CDK6: variants seen among roughly 807,000 people sequenced by gnomAD.
CDK6 encodes the protein cyclin-dependent kinase 6.
In CDK6, 6 loss-of-function variants were observed where a neutral mutation model predicts 37.1. The ratio of observed to expected loss-of-function variants is 0.16; its 90% CI spans 0.09 to 0.32. CDK6 has a LOEUF of 0.32. Among genes scored for constraint, CDK6 ranks in the 10% least tolerant of loss-of-function variants. CDK6 has a pLI of 1.00. For synonymous variants in CDK6, 160 were observed against 161.3 expected (o/e 0.99, Z 0.06); for missense variants, 224 against 418.9 (o/e 0.53, Z 4.06).
chr7:92,619,629 C>T lies in CDK6; in HGVS notation c.699-1422G>A, dbSNP rs191522039. Among the ~76,000 whole-genome samples, 6 of 151,732 alleles carry T rather than the reference C, an allele frequency of 4.0e-5. No homozygotes were observed. The East Asian group carries it at 7.8e-4, about 20-fold the overall frequency. On this transcript the variant is annotated intron_variant, in intron 6 of 7. Transcript: ENST00000424848. ...GGTACAGGTCTCAAGATCTGTAGCA[C>T]TTCATTTCCCCTTCCCTCACCTACA...
At chr7:92,723,084 G>A (rs1477878113) in intron 4 of CDK6, among the ~76,000 whole-genome samples, 1 of 152,120 alleles carries the variant, frequency 6.6e-6, no homozygotes, top group Admixed American at 6.6e-5. Context: ...GCTGAGACAC[G>A]AGAATCGCTT....
chr7:92,712,687 T>C (rs1388138955), intron 4 of CDK6, among the ~76,000 whole-genome samples: 1 of 152,190 alleles, frequency 6.6e-6, no homozygotes, highest in Non-Finnish European at 1.5e-5. Context: ...TCTTGAAAGC[T>C]TTTCTTACTT....
At chr7:92,692,266 AAAAGAAAG>A (rs57165480) in intron 4 of CDK6, among the ~76,000 whole-genome samples, 1 of 147,796 alleles carries the variant, frequency 6.8e-6, no homozygotes, top group Admixed American at 6.7e-5. Context: ...TCCGTCTCAA[AAAAGAAAG>A]AAAGAAAGAA....
chr7:92,620,772 G>A (rs1371383718), intron 6 of CDK6, among the ~76,000 whole-genome samples: 1 of 152,076 alleles, frequency 6.6e-6, no homozygotes, highest in Non-Finnish European at 1.5e-5. Flanking sequence ...GCTGGTTGTG[G>A]TGCCCTGTGC....
intron 5 of CDK6, among the ~76,000 whole-genome samples, chr7:92,658,089 G>C (rs1796745445): frequency 6.6e-6 from 1 of 152,096 alleles, no homozygotes; most frequent in African/African-American, 2.4e-5. Flanking sequence ...TTCTTTTCTT[G>C]CTTTACTCTT....
At chr7:92,660,911 C>G (rs1796820203) in intron 5 of CDK6, among the ~76,000 whole-genome samples, 1 of 152,120 alleles carries the variant, frequency 6.6e-6, no homozygotes, top group Non-Finnish European at 1.5e-5. Context: ...TAAGAAACTG[C>G]AGTTTGGCCC....
intron 4 of CDK6, among the ~76,000 whole-genome samples, chr7:92,690,888 T>C (rs909157442): frequency 1.3e-5 from 2 of 151,982 alleles, no homozygotes; most frequent in African/African-American, 4.8e-5. Context: ...ATTATGGGAG[T>C]CAATTACCAC....
intron 3 of CDK6, among the ~76,000 whole-genome samples, chr7:92,736,261 A>G (rs1798785095): frequency 6.6e-6 from 1 of 152,156 alleles, no homozygotes; most frequent in South Asian, 2.1e-4. Flanking sequence ...TATTTATTGT[A>G]AAGTTCATAC....
intron 2 of CDK6, among the ~76,000 whole-genome samples, chr7:92,794,296 A>T (rs1417590625): frequency 6.6e-6 from 1 of 152,146 alleles, no homozygotes; most frequent in Non-Finnish European, 1.5e-5. Flanking sequence ...ACAGATGAGA[A>T]GAATTAAGGT....
chr7:92,735,211 G>A (rs1433837038), intron 3 of CDK6, among the ~76,000 whole-genome samples: 1 of 152,134 alleles, frequency 6.6e-6, no homozygotes, highest in African/African-American at 2.4e-5. Context: ...GATTAAGCAA[G>A]TTCCACCTTC....
At chr7:92,828,239 T>C (rs1409187715) in intron 2 of CDK6, among the ~76,000 whole-genome samples, 1 of 152,194 alleles carries the variant, frequency 6.6e-6, no homozygotes, top group Non-Finnish European at 1.5e-5. Flanking sequence ...TACTTCAGTA[T>C]GGCATACTGC....
chr7:92,661,698 CTTG>C (rs1233787149), intron 5 of CDK6, among the ~76,000 whole-genome samples: 2 of 152,024 alleles, frequency 1.3e-5, no homozygotes, highest in Non-Finnish European at 1.5e-5. Flanking sequence ...AGGGGTGAGT[CTTG>C]TTGTCTCATG....
intron 5 of CDK6, among the ~76,000 whole-genome samples, chr7:92,633,893 G>A (rs557836254): frequency 6.6e-6 from 1 of 152,196 alleles, no homozygotes; most frequent in East Asian, 1.9e-4. Context: ...TAGCTACAGT[G>A]GGGTGTGCTA....
Position 92,606,208 on chromosome 7 carries a change from C to T in CDK6, c.*8932G>A, listed in dbSNP as rs752170284. The T allele has an allele frequency of 4.3e-6, 1 of 233,368 alleles. No individual in the cohort carries two copies. The highest frequency in any genetic ancestry group is 2.2e-5 in the African/African-American group (1 of 45,330). The allele number at this position is 233,368 out of a possible 1,614,324, so 14.5% of individuals were successfully genotyped here. On this transcript the variant is annotated 3_prime_UTR_variant, in exon 8 of 8. Coordinates refer to ENST00000424848, the MANE Select transcript of CDK6 (RefSeq NM_001145306.2). ...GTTTATATTCTTGATTAGTTTTTCT[C>T]TTGGTACCACAGCCAAAACTGAATG...
intron 5 of CDK6, among the ~76,000 whole-genome samples, chr7:92,666,341 C>G (rs142422094): frequency 2.3e-3 from 346 of 152,232 alleles, no homozygotes; most frequent in African/African-American, 8.1e-3. Context: ...TTTAAGTCAC[C>G]CCTCTAGAAG....
chr7:92,700,494 G>A (rs1367123291), intron 4 of CDK6, among the ~76,000 whole-genome samples: 3 of 152,234 alleles, frequency 2.0e-5, no homozygotes, highest in African/African-American at 7.2e-5. Flanking sequence ...ATAAGTCCCA[G>A]GTTTCTGGCC....
In CDK6 at chr7:92,613,219, G is replaced by GT. The variant is rs1217811899; in HGVS notation, c.*1920dup. Reference sequence around the variant, plus strand: ...AGCTCTTCAGGAGAAACATCTCCTAGTTTTTTCTCTTGTTCAAGATAGTCA... The same window carrying GT: ...AGCTCTTCAGGAGAAACATCTCCTAGTTTTTTTCTCTTGTTCAAGATAGTCA... On this transcript the variant is annotated 3_prime_UTR_variant, in exon 8 of 8. Transcript: ENST00000424848. 2 of 233,110 alleles carry GT rather than the reference G, an allele frequency of 8.6e-6. No individual in the cohort carries two copies. The highest frequency in any genetic ancestry group is 2.2e-5 in the African/African-American group (1 of 45,336). The allele number at this position is 233,110 out of a possible 1,614,324, so 14.4% of individuals were successfully genotyped here.
At chr7:92,636,890 C>T (rs537283278) in intron 5 of CDK6, among the ~76,000 whole-genome samples, 37 of 152,278 alleles carry the variant, frequency 2.4e-4, no homozygotes, top group Non-Finnish European at 4.3e-4. Context: ...GTCTCGAACT[C>T]CTGACCTCAG....
intron 4 of CDK6, among the ~76,000 whole-genome samples, chr7:92,697,329 C>T (rs1161934013): frequency 6.6e-6 from 1 of 152,156 alleles, no homozygotes; most frequent in Non-Finnish European, 1.5e-5. Flanking sequence ...CCCAGAGCTG[C>T]ACAACAGAGA....
Sources: gnomAD v4.1 joint callset for allele counts (sites outside exome capture counted in the v4.1 genomes callset) on GRCh38, gnomAD v4.1.1 for gene constraint, MANE v1.5 for transcripts, NCBI Gene and HGNC (gene_info 2026-07-23, HGNC 2026-07-21) for gene names.